The following ZNF510 variants were observed in gnomAD, a reference collection of about 807,000 sequenced individuals.
ZNF510 encodes zinc finger protein 510.
In ZNF510, 15 loss-of-function variants were observed where a neutral mutation model predicts 18.1. The observed-to-expected ratio is 0.83, with a 90% CI of 0.55 to 1.28. ZNF510 has a LOEUF of 1.28. ZNF510 is among the 50% of genes most tolerant of loss of function. The probability of loss-of-function intolerance (pLI) is 0.00; values close to 1 mark genes in which losing one functional copy is unlikely to be tolerated. For missense variants in ZNF510, 724 were observed against 791.8 expected, an observed-to-expected ratio of 0.91 and a Z score of 1.03; for synonymous variants, 261 against 266.4, an observed-to-expected ratio of 0.98 and a Z score of 0.20.
intron 3 of ZNF510, among the ~76,000 whole-genome samples, chr9:96,768,982 C>G (rs1186028991): frequency 3.3e-5 from 5 of 152,144 alleles, no homozygotes; most frequent in Admixed American, 3.3e-4. Context: ...GGCATAAATA[C>G]AGACATACAG....
At chr9:96,764,160 T>A (rs773983898) in intron 3 of ZNF510, among the ~76,000 whole-genome samples, 1 of 151,610 alleles carries the variant, frequency 6.6e-6, no homozygotes, top group African/African-American at 2.4e-5. Flanking sequence ...TATAAATAGA[T>A]ACATTACTAA....
At position 96,759,873 on chromosome 9, in the gene ZNF510, C is replaced by G. The variant is rs1302011221; in HGVS notation, c.957G>C (p.Glu319Asp). The change falls in exon 6 of 6, where the codon GAG becomes GAC. Residue 319 changes from glutamate to aspartate, a missense_variant. Transcript: ENST00000223428. ...LHLNQCGKSF[E>D]KSTVEEYNKL... The stretch of plus-strand genomic sequence containing the variant: ...TATTATATTCCTCCACAGTTGACTT[C>G]TCAAAGGATTTCCCACATTGATTAA... The G allele has an allele frequency of 2.5e-6, 4 of 1,613,270 alleles. No homozygotes were observed. The highest frequency in any genetic ancestry group is 3.4e-6 in the Non-Finnish European group (4 of 1,179,946).
intron 1 of ZNF510, among the ~76,000 whole-genome samples, chr9:96,777,320 T>A (rs1849722908): frequency 6.6e-6 from 1 of 152,158 alleles, no homozygotes; most frequent in Non-Finnish European, 1.5e-5. Context: ...CTGGGTTAGG[T>A]AGGTAGGCCA....
intron 1 of ZNF510, 29 bp from the exon 2 acceptor site, chr9:96,776,274 G>C (rs1223476482): frequency 1.7e-5 from 17 of 979,780 alleles, no homozygotes; most frequent in Non-Finnish European, 2.2e-5. Context: ...CTTTGCTCCA[G>C]AGAAGCTGGG....
chr9:96,775,376 C>T (rs554780664), intron 2 of ZNF510, among the ~76,000 whole-genome samples: 1 of 152,172 alleles, frequency 6.6e-6, no homozygotes, highest in East Asian at 1.9e-4. Context: ...TGTTTTTCAT[C>T]AGGCGATTGT....
intron 1 of ZNF510, among the ~76,000 whole-genome samples, chr9:96,776,448 C>G (rs1588134742): frequency 2.0e-5 from 3 of 152,128 alleles, no homozygotes; most frequent in Admixed American, 2.0e-4. Context: ...GCACTAGACA[C>G]TAGGACACCC....
rs1051828487 is a variant in ZNF510 at position 96,772,997 on chromosome 9, A to G, written c.129+1791T>C. Among the ~76,000 whole-genome samples the G allele has an allele frequency of 2.6e-5, 4 of 152,350 alleles. 1 individual carries two copies. Among genetic ancestry groups the G allele is most frequent in the South Asian group, 4.1e-4 (2 of 4,824 alleles). ...CACTAAGAGGAGAATGAGGAAATAAATTATGGTCTATTCATACAATGAAAT... is the reference window on the plus strand; with the variant it reads ...CACTAAGAGGAGAATGAGGAAATAAGTTATGGTCTATTCATACAATGAAAT... On this transcript the variant is annotated intron_variant, in intron 3 of 5. Transcript: ENST00000223428.
At chr9:96,777,670 C>T (rs901094101) in intron 1 of ZNF510, 1 of 152,236 alleles carries the variant, frequency 6.6e-6, no homozygotes, top group Non-Finnish European at 1.5e-5. Flanking sequence ...CCTTCTAGCT[C>T]CTAGGCTCGG....
At chr9:96,772,386 ACGAT>A (rs1849600789) in intron 3 of ZNF510, among the ~76,000 whole-genome samples, 1 of 152,170 alleles carries the variant, frequency 6.6e-6, no homozygotes, top group African/African-American at 2.4e-5. Context: ...TAAAGAAAAG[ACGAT>A]CTGACCTTTA....
Position 96,758,769 on chromosome 9 carries a change from G to A in ZNF510, c.*9C>T, listed in dbSNP as rs1849254102. On this transcript the variant is annotated 3_prime_UTR_variant, in exon 6 of 6. Transcript: ENST00000223428. ...TTCCTTTTGTCAAAAGGATTTTCTA[G>A]TTATTACATCAATAGGGATTCCCCT... 2 of 1,540,540 alleles carry A rather than the reference G, an allele frequency of 1.3e-6. No homozygotes were observed. The highest frequency in any genetic ancestry group is 1.7e-6 in the Non-Finnish European group (2 of 1,147,364).
At chr9:96,761,602 C>A (rs1001134169) in intron 5 of ZNF510, among the ~76,000 whole-genome samples, 3 of 145,432 alleles carry the variant, frequency 2.1e-5, no homozygotes, top group Admixed American at 6.7e-5. Context: ...CTTCTCTATG[C>A]TTAGAATTCA....
chr9:96,770,666 TATTAGAAATGTCC>T (rs1278700786), intron 3 of ZNF510, among the ~76,000 whole-genome samples: 1 of 152,026 alleles, frequency 6.6e-6, no homozygotes, highest in Non-Finnish European at 1.5e-5. Context: ...TGACTTCACT[TATTAGAAATGTCC>T]AGAATAGCCA....
At chr9:96,767,756 CAACT>C (rs1410239479) in intron 3 of ZNF510, among the ~76,000 whole-genome samples, 1 of 152,016 alleles carries the variant, frequency 6.6e-6, no homozygotes, top group Non-Finnish European at 1.5e-5. Context: ...GGCTCAAGAC[CAACT>C]GTCAGTCTGT....
Position 96,759,063 on chromosome 9 carries a change from C to T in ZNF510, c.1767G>A (p.Val589=), listed in dbSNP as rs764233693. 5.0e-6 allele frequency: 8 copies of T among 1,613,558 alleles called. No individual in the cohort carries two copies. The Admixed American group carries it at 1.3e-4, about 27-fold the overall frequency. ...TCTCCCCAGTGTGAATTCTTTGATG[C>T]ACTCTGAGGGTTGATGTCCGGGCAA... is the stretch of plus-strand genomic sequence containing the variant. The part of the protein sequence containing the change: ...KTFARTSTLR[V]HQRIHTGEKP... Residue 589 remains valine, a synonymous_variant, in exon 6 of 6, where the codon GTG becomes GTA. Coordinates refer to ENST00000223428, the MANE Select transcript of ZNF510 (RefSeq NM_014930.3).
chr9:96,769,392 G>A (rs914277218), intron 3 of ZNF510, among the ~76,000 whole-genome samples: 3 of 149,972 alleles, frequency 2.0e-5, no homozygotes, highest in South Asian at 4.2e-4. Flanking sequence ...AGCCAAGATC[G>A]TGCCACTGGA....
rs1312537866 is a variant in ZNF510, at chr9:96,760,442, T to C, written c.388A>G (p.Lys130Glu). ...YRGDDLIKQN[K>E]KIKDKHLEQA... ...TCCAAGTGTTTGTCTTTGATTTTCT[T>C]GTTCTGCTTGATCAGGTCATCACCT... The change falls in exon 6 of 6, where the codon AAG becomes GAG. Residue 130 changes from lysine to glutamate, a missense_variant. By Grantham distance (56) the Lys-to-Glu change is moderately conservative. Transcript: ENST00000223428. The C allele has an allele frequency of 1.2e-6, 2 of 1,611,200 alleles. No homozygotes were observed. Among genetic ancestry groups the C allele is most frequent in the Non-Finnish European group, 1.7e-6 (2 of 1,178,912 alleles).
intron 3 of ZNF510, among the ~76,000 whole-genome samples, chr9:96,773,831 C>G (rs1305706638): frequency 6.6e-6 from 1 of 152,218 alleles, no homozygotes; most frequent in Non-Finnish European, 1.5e-5. Context: ...TCTCCTTGGC[C>G]TCCCAAAGTG....
In ZNF510 at chr9:96,760,313, A is replaced by G; in HGVS notation, c.517T>C (p.Ser173Pro). The G allele has an allele frequency of 1.2e-6, 2 of 1,613,848 alleles. No individual in the cohort carries two copies. The highest frequency in any genetic ancestry group is 2.2e-5 in the South Asian group (2 of 91,044). Reference protein sequence around the residue: ...HVAAVASTKMSCKCNSWEVNL... With the variant: ...HVAAVASTKMPCKCNSWEVNL... ...ACTTCCCATGAGTTGCATTTGCAGG[A>G]CATTTTTGTTGAAGCAACAGCAGCT... Residue 173 changes from serine to proline, a missense_variant, in exon 6 of 6, where the codon TCC becomes CCC. By Grantham distance (74) the Ser-to-Pro change is moderately conservative (BLOSUM62 -1). Transcript: ENST00000223428.
At position 96,759,379 on chromosome 9, in the gene ZNF510, C is replaced by A; in HGVS notation, c.1451G>T (p.Gly484Val). ...TTCACTACATTCATAGGGTTTTTCTCCTGTGTGAATTCTTTGATGTCCCCT... is the reference window on the plus strand; with the variant it reads ...TTCACTACATTCATAGGGTTTTTCTACTGTGTGAATTCTTTGATGTCCCCT... Reference protein sequence around the residue: ...TLRGHQRIHTGEKPYECSECG... With the variant: ...TLRGHQRIHTVEKPYECSECG... The change falls in exon 6 of 6, where the codon GGA (glycine) becomes GTA (valine). Residue 484 changes from glycine to valine, a missense_variant. Transcript: ENST00000223428. 1 of 1,614,136 alleles carries A rather than the reference C, an allele frequency of 6.2e-7. No homozygotes were observed. Among genetic ancestry groups the A allele is most frequent in the Non-Finnish European group, 8.5e-7 (1 of 1,180,004 alleles).
Sources: gnomAD v4.1 joint callset for allele counts (sites outside exome capture counted in the v4.1 genomes callset) on GRCh38, gnomAD v4.1.1 for gene constraint, MANE v1.5 for transcripts, NCBI Gene and HGNC (gene_info 2026-07-23, HGNC 2026-07-21) for gene names.